The following ZFHX3 variants were observed in gnomAD, a reference collection of about 807,000 sequenced individuals.
ZFHX3 encodes zinc finger homeobox 3.
ZFHX3 carries 42 observed loss-of-function variants against 279.1 expected under a neutral mutation model. The observed-to-expected ratio is 0.15, with a 90% CI of 0.12 to 0.19. The LOEUF is 0.19. Among genes scored for constraint, ZFHX3 ranks in the 10% least tolerant of loss-of-function variants. The pLI, the probability that ZFHX3 is intolerant of heterozygous loss-of-function variation, is 1.00. For missense variants in ZFHX3, 4,981 were observed against 4,754.0 expected (o/e 1.05, Z -1.40); for synonymous variants, 2,293 against 1,957.8 (o/e 1.17, Z -4.52).
chr16:72,914,878 C>A (rs949273134), intron 3 of ZFHX3, among the ~76,000 whole-genome samples: 2 of 152,108 alleles, frequency 1.3e-5, no homozygotes, highest in Non-Finnish European at 2.9e-5. Flanking sequence ...ATAGTCCCAG[C>A]TACTCGGGTG....
chr16:73,473,737 A>T lies in ZFHX3; in HGVS notation c.-1546-17479T>A, dbSNP rs140530026. 5.9e-5 allele frequency among the ~76,000 whole-genome samples: 9 copies of T among 152,368 alleles called. No individual in the cohort carries two copies. In the East Asian group the frequency reaches 1.7e-3, roughly 29 times the overall value. On this transcript the variant is annotated intron_variant, in intron 2 of 17. Transcript: ENST00000641206. ...TCATGGTAAGCTGTCTTAAATGCTA[A>T]AACAAACACAAATTGAACTGGTTTT...
At chr16:73,860,976 T>G (rs1961867913) in intron 1 of ZFHX3, among the ~76,000 whole-genome samples, 1 of 148,234 alleles carries the variant, frequency 6.7e-6, no homozygotes, top group African/African-American at 2.6e-5. Flanking sequence ...CTTGTATATT[T>G]TTTGCAGATT....
chr16:73,136,677 A>G (rs1489296169), intron 6 of ZFHX3, among the ~76,000 whole-genome samples: 1 of 143,674 alleles, frequency 7.0e-6, no homozygotes, highest in East Asian at 2.0e-4. Context: ...GTGAGCTGAG[A>G]CTGCACCAAC....
rs141172645 is a variant in ZFHX3, at chr16:73,888,139, G to C, written c.-1608+3512C>G. Among the ~76,000 whole-genome samples the C allele has an allele frequency of 4.3e-4, 65 of 152,258 alleles. 1 individual carries two copies. The highest frequency in any genetic ancestry group is 1.5e-3 in the African/African-American group (63 of 41,546). ...AAATGTCTCTAGGAGCATCACCGAG[G>C]CCTGGCAATGGACAGGTATTTGTAC... is the stretch of plus-strand genomic sequence containing the variant. On this transcript the variant is annotated intron_variant, in intron 1 of 17. Coordinates refer to the ZFHX3 transcript ENST00000641206.
At chr16:73,888,663 A>G (rs1447490444) in intron 1 of ZFHX3, among the ~76,000 whole-genome samples, 2 of 152,192 alleles carry the variant, frequency 1.3e-5, no homozygotes, top group East Asian at 1.9e-4. Context: ...TTACATTTCA[A>G]TTGTTCAGAT....
intron 3 of ZFHX3, among the ~76,000 whole-genome samples, chr16:73,440,175 G>C (rs2018065152): frequency 6.6e-6 from 1 of 152,184 alleles, no homozygotes; most frequent in African/African-American, 2.4e-5. Context: ...GACTTTCCCA[G>C]AAGTGCAAAT....
At chr16:73,573,758 T>C (rs2051766652) in intron 2 of ZFHX3, among the ~76,000 whole-genome samples, 1 of 152,242 alleles carries the variant, frequency 6.6e-6, no homozygotes, top group African/African-American at 2.4e-5. Context: ...TGTGGTTGTT[T>C]CTGTTTCTGT....
chr16:73,642,960 T>C (rs1344827249), intron 2 of ZFHX3, among the ~76,000 whole-genome samples: 1 of 152,186 alleles, frequency 6.6e-6, no homozygotes, highest in African/African-American at 2.4e-5. Context: ...GAAAATTATT[T>C]CATGCCCTGC....
intron 2 of ZFHX3, among the ~76,000 whole-genome samples, chr16:73,492,265 C>T (rs1282188737): frequency 1.3e-5 from 2 of 152,170 alleles, no homozygotes; most frequent in Admixed American, 1.3e-4. Flanking sequence ...CTCCTGACTC[C>T]TCCCCCTTCA....
At chr16:73,618,138 C>A (rs12102913) in intron 2 of ZFHX3, among the ~76,000 whole-genome samples, 5,235 of 152,204 alleles carry the variant, frequency 0.034, 320 homozygotes, top group African/African-American at 0.12. Flanking sequence ...GTCTATAGTC[C>A]AGCCGATAAT....
intron 7 of ZFHX3, among the ~76,000 whole-genome samples, chr16:73,126,338 G>A (rs1966569558): frequency 6.6e-6 from 1 of 152,162 alleles, no homozygotes; most frequent in Non-Finnish European, 1.5e-5. Context: ...ACTAGGTGAT[G>A]AGGGCTTGAA....
At chr16:73,658,337 G>A (rs62043048) in intron 2 of ZFHX3, among the ~76,000 whole-genome samples, 31,721 of 151,846 alleles carry the variant, frequency 0.21, 3,439 homozygotes, top group South Asian at 0.22. Context: ...ATGGGGTCTC[G>A]CTCTGTCACC....
intron 3 of ZFHX3, among the ~76,000 whole-genome samples, chr16:73,328,887 C>A (rs2015744963): frequency 6.6e-6 from 1 of 152,214 alleles, no homozygotes; most frequent in Admixed American, 6.5e-5. Context: ...CAAAACCCAT[C>A]CCAAGTGGGC....
chr16:72,927,243 A>T (rs1008071311), intron 3 of ZFHX3, among the ~76,000 whole-genome samples: 1 of 152,196 alleles, frequency 6.6e-6, no homozygotes, highest in Non-Finnish European at 1.5e-5. Flanking sequence ...TTTTTATTTA[A>T]ATTTGTTTAG....
rs761523163 is a variant in ZFHX3 at position 73,631,919 on chromosome 16, TCTCTCTCTCACACACACACA to T, written c.-1547+48241_-1547+48260del. On this transcript the variant is annotated intron_variant, in intron 2 of 17. Coordinates refer to the ZFHX3 transcript ENST00000641206. The stretch of plus-strand genomic sequence containing the variant: ...GGGATTCTCTCTCTCTCTCTCTCTC[TCTCTCTCTCACACACACACA>T]CACACACACACACACACACACAAAG... Among the ~76,000 whole-genome samples the T allele has an allele frequency of 5.3e-3, 578 of 109,310 alleles. 1 individual carries two copies. The highest frequency in any genetic ancestry group is 8.0e-3 in the Non-Finnish European group (427 of 53,256). The allele number at this position is 109,310 out of a possible 152,430, so 71.7% of individuals were successfully genotyped here. A position where few individuals can be genotyped will look rare whatever the true frequency, so the allele number is the denominator to read the frequency against.
chr16:73,058,808 G>A (rs911667180), exon 1 of ZFHX3: 157 of 153,934 alleles, frequency 1.0e-3, no homozygotes, highest in African/African-American at 3.3e-3. Context: ...CGCTGCCGCC[G>A]AGCAGCATGG....
chr16:73,079,793 A>G (rs1263369981), intron 8 of ZFHX3, among the ~76,000 whole-genome samples: 2 of 152,202 alleles, frequency 1.3e-5, no homozygotes, highest in African/African-American at 4.8e-5. Flanking sequence ...AATCATTTAA[A>G]TGTGTTCTCT....
chr16:73,595,353 C>T (rs1466840017), intron 2 of ZFHX3, among the ~76,000 whole-genome samples: 1 of 152,292 alleles, frequency 6.6e-6, no homozygotes, highest in Non-Finnish European at 1.5e-5. Context: ...TTGCTAAATC[C>T]AATGGACTAT....
chr16:73,458,836 T>C (rs1484183625), intron 2 of ZFHX3, among the ~76,000 whole-genome samples: 10 of 152,234 alleles, frequency 6.6e-5, no homozygotes, highest in Non-Finnish European at 1.5e-5. Flanking sequence ...GGAATCAATA[T>C]CATTTTAACA....
Sources: allele counts gnomAD v4.1 joint callset (sites outside exome capture counted in the v4.1 genomes callset), GRCh38; gene constraint gnomAD v4.1.1; transcripts MANE v1.5; gene names NCBI Gene and HGNC (gene_info 2026-07-23, HGNC 2026-07-21).